CCDC102B: variants seen among roughly 807,000 people sequenced by gnomAD.
CCDC102B encodes coiled-coil domain containing 102B, also known as coiled-coil domain-containing protein 102B.
A neutral mutation model predicts 57.4 loss-of-function variants in CCDC102B; 75 were observed. The ratio of observed to expected loss-of-function variants is 1.31; its 90% CI spans 1.08 to 1.58. The LOEUF is 1.58. Among genes scored for constraint, CCDC102B ranks in the 40% most tolerant of loss-of-function variants. The pLI is 0.00. For synonymous variants in CCDC102B, 206 were observed against 201.9 expected (o/e 1.02, Z -0.17); for missense variants, 636 against 582.6 (o/e 1.09, Z -0.94).
At chr18:68,850,447 T>A (rs1215086313) in intron 4 of CCDC102B, among the ~76,000 whole-genome samples, 1 of 152,006 alleles carries the variant, frequency 6.6e-6, no homozygotes, top group Non-Finnish European at 1.5e-5. Flanking sequence ...TCTCAAGATA[T>A]ATATTTCCCA....
chr18:68,889,030 G>GTTTTTTTTT (rs5825880), intron 5 of CCDC102B, among the ~76,000 whole-genome samples: 1 of 148,486 alleles, frequency 6.7e-6, no homozygotes. Context: ...GTTTTTCTTT[G>GTTTTTTTTT]TTTTTTTTTT....
At chr18:68,891,301 G>T (rs1464703953) in intron 5 of CCDC102B, among the ~76,000 whole-genome samples, 1 of 152,076 alleles carries the variant, frequency 6.6e-6, no homozygotes, top group Non-Finnish European at 1.5e-5. Flanking sequence ...TATATTCTGT[G>T]GTTATGTAAT....
At chr18:68,889,032 T>TC (rs1473723262) in intron 5 of CCDC102B, among the ~76,000 whole-genome samples, 1 of 151,394 alleles carries the variant, frequency 6.6e-6, no homozygotes, top group African/African-American at 2.4e-5. Context: ...TTTTCTTTGT[T>TC]TTTTTTTTCT....
At chr18:68,878,306 C>G (rs1022687910) in intron 5 of CCDC102B, among the ~76,000 whole-genome samples, 10 of 152,110 alleles carry the variant, frequency 6.6e-5, no homozygotes, top group African/African-American at 2.2e-4. Context: ...ACCATGTTGG[C>G]CAGGCTGGTC....
rs1366978082 is a variant in CCDC102B at position 69,031,767 on chromosome 18, C to CGATG, written c.1434+20665_1434+20668dup. On this transcript the variant is annotated intron_variant, in intron 7 of 7. Coordinates refer to ENST00000360242, the MANE Select transcript of CCDC102B (RefSeq NM_024781.3). ...GTAGATTATCACCTGTGTAGACAGC[C>CGATG]GATGGTGTGGCAGGTGGTGTCTTAA... Among the ~76,000 whole-genome samples, 7 of 151,988 alleles carry CGATG rather than the reference C, an allele frequency of 4.6e-5. No homozygotes were observed. The South Asian group carries it at 1.0e-3, about 22-fold the overall frequency.
At chr18:68,972,843 C>T (rs914461330) in intron 6 of CCDC102B, among the ~76,000 whole-genome samples, 1 of 151,952 alleles carries the variant, frequency 6.6e-6, no homozygotes, top group Non-Finnish European at 1.5e-5. Flanking sequence ...TTGTTTTAGA[C>T]GCCGGTCAAA....
intron 7 of CCDC102B, among the ~76,000 whole-genome samples, chr18:69,047,115 A>G (rs978361458): frequency 1.3e-5 from 2 of 152,034 alleles, no homozygotes; most frequent in South Asian, 2.1e-4. Context: ...GCAAACAAAA[A>G]CTTCAGGCCA....
chr18:68,988,556 C>CAA (rs201769629), intron 6 of CCDC102B, among the ~76,000 whole-genome samples: 2,661 of 120,402 alleles, frequency 0.022, 107 homozygotes, highest in African/African-American at 0.083. Flanking sequence ...GTTGAAATTA[C>CAA]AAAAAAAAAC....
At chr18:68,752,324 C>T (rs1364863609) in intron 2 of CCDC102B, among the ~76,000 whole-genome samples, 1 of 151,732 alleles carries the variant, frequency 6.6e-6, no homozygotes, top group Admixed American at 6.6e-5. Flanking sequence ...AACTTCTCAT[C>T]AGCAACAATG....
chr18:69,024,190 C>T (rs1335831825), intron 7 of CCDC102B, among the ~76,000 whole-genome samples: 2 of 152,046 alleles, frequency 1.3e-5, no homozygotes, highest in East Asian at 1.9e-4. Context: ...AATGAAATTA[C>T]ATTACTAGTT....
At chr18:68,815,039 T>C (rs969972483) in intron 1 of CCDC102B, among the ~76,000 whole-genome samples, 13 of 152,294 alleles carry the variant, frequency 8.5e-5, no homozygotes, top group African/African-American at 2.6e-4. Context: ...AGGAGTTCTT[T>C]ACTATTATTT....
At chr18:68,797,159 C>T (rs1300172503), upstream of CCDC102B, among the ~76,000 whole-genome samples, 1 of 151,888 alleles carries the variant, frequency 6.6e-6, no homozygotes, top group Non-Finnish European at 1.5e-5. Context: ...AAGATGGCCA[C>T]CTTTTCCATT....
intron 7 of CCDC102B, among the ~76,000 whole-genome samples, chr18:69,034,974 T>A (rs1039349883): frequency 6.6e-6 from 1 of 151,956 alleles, no homozygotes; most frequent in Non-Finnish European, 1.5e-5. Context: ...AATGGAAATC[T>A]CTCAAATCTG....
chr18:68,949,948 TTA>T (rs2049648126), intron 6 of CCDC102B, among the ~76,000 whole-genome samples: 1 of 152,188 alleles, frequency 6.6e-6, no homozygotes, highest in South Asian at 2.1e-4. Flanking sequence ...ACATTTCTAG[TTA>T]TTACATCTAA....
chr18:69,023,242 T>A (rs2051896539), intron 7 of CCDC102B, among the ~76,000 whole-genome samples: 1 of 152,130 alleles, frequency 6.6e-6, no homozygotes, highest in Non-Finnish European at 1.5e-5. Context: ...ACTTTTCTCA[T>A]GTGTAAAGTG....
intron 1 of CCDC102B, among the ~76,000 whole-genome samples, chr18:68,816,414 T>G (rs2036474349): frequency 6.6e-6 from 1 of 151,986 alleles, no homozygotes; most frequent in South Asian, 2.1e-4. Flanking sequence ...TGTTCAAAAG[T>G]TAAATCAAGT....
chr18:68,932,240 T>G (rs1377273070), intron 6 of CCDC102B, among the ~76,000 whole-genome samples: 1 of 151,916 alleles, frequency 6.6e-6, no homozygotes, highest in Non-Finnish European at 1.5e-5. Flanking sequence ...GTTGTCTTCC[T>G]TTTTTACTCC....
chr18:69,013,963 A>G (rs375683635), intron 7 of CCDC102B, among the ~76,000 whole-genome samples: 107 of 152,304 alleles, frequency 7.0e-4, no homozygotes, highest in African/African-American at 2.5e-3. Context: ...AAAGCTCTGA[A>G]TCTATTAGTT....
intron 1 of CCDC102B, among the ~76,000 whole-genome samples, chr18:68,828,531 A>G (rs1346375460): frequency 6.6e-6 from 1 of 151,602 alleles, no homozygotes; most frequent in Non-Finnish European, 1.5e-5. Context: ...AAAAAATACA[A>G]AACTGAATAA....
Sources: gnomAD v4.1 joint callset for allele counts (sites outside exome capture counted in the v4.1 genomes callset) on GRCh38, gnomAD v4.1.1 for gene constraint, MANE v1.5 for transcripts, NCBI Gene and HGNC (gene_info 2026-07-23, HGNC 2026-07-21) for gene names.